Variants in RPL26L1 observed in about 807,000 individuals in gnomAD.
RPL26L1 encodes the protein ribosomal protein uL24-like.
In RPL26L1, 8 loss-of-function variants were observed where a neutral mutation model predicts 15.2. That is an observed-to-expected ratio of 0.53 (90% CI 0.31 to 0.95). RPL26L1 has a LOEUF of 0.95. Among genes scored for constraint, RPL26L1 ranks in the 40% least tolerant of loss-of-function variants. The pLI is 0.05. For missense variants in RPL26L1, 146 were observed against 190.9 expected (o/e 0.76, Z 1.39); for synonymous variants, 51 against 65.9 (o/e 0.77, Z 1.09).
chr5:172,958,838 T>TTAGAGGGGCGGGGTCTAGGA (rs372606525), upstream of RPL26L1: 1 of 114,788 alleles, frequency 8.7e-6, no homozygotes, highest in African/African-American at 3.7e-5. Flanking sequence ...GGGGACTGGA[T>TTAGAGGGGCGGGGTCTAGGA]GAGAGGGGCG....
intron 2 of RPL26L1, among the ~76,000 whole-genome samples, chr5:172,967,838 A>C (rs1044048737): frequency 7.7e-6 from 1 of 129,208 alleles, no homozygotes; most frequent in Non-Finnish European, 1.7e-5. Flanking sequence ...TGTATGACAT[A>C]TATGTATGTT....
upstream of RPL26L1, chr5:172,954,686 A>G: frequency 3.5e-6 from 1 of 282,316 alleles, no homozygotes. Flanking sequence ...TGGTTTATGT[A>G]AGGAAAATGG....
chr5:172,955,159 G>C (rs1343262562), upstream of RPL26L1: 1 of 359,282 alleles, frequency 2.8e-6, no homozygotes, highest in Non-Finnish European at 5.4e-6. Context: ...TTTTTGAGAC[G>C]GAGTCATTGC....
chr5:172,963,080 T>C (rs1755304374), intron 2 of RPL26L1, among the ~76,000 whole-genome samples: 1 of 151,724 alleles, frequency 6.6e-6, no homozygotes, highest in Admixed American at 6.6e-5. Flanking sequence ...GATGTGCTTA[T>C]AAAATCTAAA....
chr5:172,966,460 C>G (rs866527763), intron 2 of RPL26L1, among the ~76,000 whole-genome samples: 1 of 151,882 alleles, frequency 6.6e-6, no homozygotes, highest in Non-Finnish European at 1.5e-5. Flanking sequence ...CCATGCCCGG[C>G]CTAAGATCTT....
chr5:172,958,945 G>A (rs1338561368), upstream of RPL26L1: 1 of 153,530 alleles, frequency 6.5e-6, no homozygotes, highest in Non-Finnish European at 1.5e-5. Flanking sequence ...AGAGGTAGGA[G>A]GGCGCGGCGG....
chr5:172,958,541 G>A (rs928208376), upstream of RPL26L1: 1 of 409,232 alleles, frequency 2.4e-6, no homozygotes, highest in Non-Finnish European at 5.1e-6. Context: ...AACCCGAAGA[G>A]AGTCGAGACC....
intron 2 of RPL26L1, among the ~76,000 whole-genome samples, chr5:172,967,780 G>A (rs531869213): frequency 7.6e-4 from 114 of 149,864 alleles, no homozygotes; most frequent in Admixed American, 2.7e-3. Context: ...ACATATATAC[G>A]TATGTATACA....
chr5:172,959,386 C>T, upstream of RPL26L1: 1 of 1,005,550 alleles, frequency 9.9e-7, no homozygotes, highest in East Asian at 9.6e-5. Context: ...GGAAATGGGG[C>T]TTCGATGTCT....
At position 172,964,281 on chromosome 5, in the gene RPL26L1, C is replaced by CCTTTTTTTTTTTTTTTTTTTTTTTTTT. The variant is rs1402885653; in HGVS notation, c.169-4178_169-4177insCTTTTTTTTTTTTTTTTTTTTTTTTTT. ...TGAGCCACAGTGTCTGGCCTGTTGC[C>CCTTTTTTTTTTTTTTTTTTTTTTTTTT]TTTTTTTTTTTTTTTTTTTTTGAGA... On this transcript the variant is annotated intron_variant, in intron 2 of 3. Transcript: ENST00000265100. 1.0e-4 allele frequency among the ~76,000 whole-genome samples: 10 copies of CCTTTTTTTTTTTTTTTTTTTTTTTTTT among 99,240 alleles called. 3 individuals carry two copies. Among genetic ancestry groups the CCTTTTTTTTTTTTTTTTTTTTTTTTTT allele is most frequent in the Non-Finnish European group, 1.2e-4 (6 of 49,278 alleles). 65.1% of individuals were successfully genotyped at this position (99,240 alleles called of 152,430 possible). A position where few individuals can be genotyped will look rare whatever the true frequency, so the allele number is the denominator to read the frequency against.
upstream of RPL26L1, chr5:172,957,707 C>T (rs893992367): frequency 5.7e-6 from 1 of 174,268 alleles, no homozygotes; most frequent in Non-Finnish European, 1.2e-5. Context: ...CTAAGAAGAA[C>T]CTCTGACCTT....
upstream of RPL26L1, chr5:172,958,362 CG>C: frequency 4.4e-6 from 2 of 455,970 alleles, no homozygotes. Flanking sequence ...AGAGAGAGCA[CG>C]GGACCTGCCT....
upstream of RPL26L1, among the ~76,000 whole-genome samples, chr5:172,954,587 A>G (rs558184496): frequency 9.2e-5 from 14 of 151,422 alleles, no homozygotes; most frequent in African/African-American, 2.9e-4. Flanking sequence ...AAAAGAGAGA[A>G]AGAGAGAGGG....
chr5:172,959,455 C>A lies in RPL26L1; in HGVS notation c.-23C>A. 9.9e-7 allele frequency: 1 copy of A among 1,014,480 alleles called. No homozygotes were observed. The highest frequency in any genetic ancestry group is 1.2e-6 in the Non-Finnish European group (1 of 844,332). 62.8% of individuals were successfully genotyped at this position (1,014,480 alleles called of 1,614,324 possible). On this transcript the variant is annotated 5_prime_UTR_variant, in exon 1 of 4. Transcript: ENST00000265100. ...GGCCCTGCGCACTCAGGGTCTGAGG[C>A]AGCTAGTAGCCGGGTGAGTGGAGGC...
At chr5:172,966,367 G>T (rs1052553998) in intron 2 of RPL26L1, among the ~76,000 whole-genome samples, 3 of 92,648 alleles carry the variant, frequency 3.2e-5, no homozygotes, top group African/African-American at 1.2e-4. Flanking sequence ...TTGCTATGTT[G>T]CCTCGGCTGG....
chr5:172,960,413 C>T (rs987956459), intron 2 of RPL26L1, among the ~76,000 whole-genome samples: 2 of 152,040 alleles, frequency 1.3e-5, no homozygotes, highest in Admixed American at 1.3e-4. Flanking sequence ...CACCGTGCCC[C>T]ACCAAAAATA....
intron 2 of RPL26L1, among the ~76,000 whole-genome samples, chr5:172,967,995 A>G (rs1755534630): frequency 6.6e-6 from 1 of 151,994 alleles, no homozygotes; most frequent in Non-Finnish European, 1.5e-5. Context: ...AGAATGCTCC[A>G]AAATCTGAGA....
upstream of RPL26L1, chr5:172,958,058 A>T (rs1755035668): frequency 4.0e-6 from 1 of 250,660 alleles, no homozygotes; most frequent in Non-Finnish European, 8.2e-6. Flanking sequence ...TGAGGTCGGG[A>T]GTTCAAGACC....
upstream of RPL26L1, chr5:172,958,682 C>G (rs1452668019): frequency 2.9e-5 from 7 of 243,090 alleles, no homozygotes; most frequent in Admixed American, 2.6e-4. Context: ...GTCGGCCTAG[C>G]CAGTGGTTGG....
Sources: gnomAD v4.1 joint callset for allele counts (sites outside exome capture counted in the v4.1 genomes callset) on GRCh38, gnomAD v4.1.1 for gene constraint, MANE v1.5 for transcripts, NCBI Gene and HGNC (gene_info 2026-07-23, HGNC 2026-07-21) for gene names.